Variants in RHBDL3 observed in about 807,000 individuals in gnomAD.
RHBDL3 encodes the protein rhomboid-related protein 3.
Under a neutral mutation model 48.2 loss-of-function variants are expected in RHBDL3, and 28 were observed. That is an observed-to-expected ratio of 0.58 (90% confidence interval 0.43 to 0.80). The LOEUF (loss-of-function observed/expected upper bound fraction) is 0.80, where lower values mean the gene tolerates loss of function less well. RHBDL3 is among the 30% of genes least tolerant of loss of function. RHBDL3 has a pLI of 0.00. For missense variants in RHBDL3, 464 were observed against 542.7 expected (o/e 0.85, Z 1.44); for synonymous variants, 208 against 232.3 (o/e 0.90, Z 0.95).
chr17:32,271,929 C>T lies in RHBDL3; in HGVS notation c.135+4004C>T, dbSNP rs148703625. On this transcript the variant is annotated intron_variant, in intron 2 of 8. Coordinates refer to ENST00000269051, the MANE Select transcript of RHBDL3 (RefSeq NM_138328.3). ...CGATGAACAGAAGGCGTGGATCCGCCGCTTCGGTGGGTTGCTGGGGTCAGA... is the reference window on the plus strand; with the variant it reads ...CGATGAACAGAAGGCGTGGATCCGCTGCTTCGGTGGGTTGCTGGGGTCAGA... Among the ~76,000 whole-genome samples, 91 of 152,294 alleles carry T rather than the reference C, an allele frequency of 6.0e-4. 2 individuals are homozygous for T. In the South Asian group the frequency reaches 7.9e-3, roughly 13 times the overall value.
intron 2 of RHBDL3, among the ~76,000 whole-genome samples, chr17:32,283,317 C>CTTTTTT (rs1156849774): frequency 7.5e-5 from 7 of 92,934 alleles, no homozygotes; most frequent in Non-Finnish European, 1.3e-4. Context: ...GCCTTTTCTT[C>CTTTTTT]TTTTTTTTTT....
At chr17:32,316,374 C>A in intron 8 of RHBDL3, 82 bp downstream of exon 8, 2 of 1,069,156 alleles carry the variant, frequency 1.9e-6, no homozygotes, top group Non-Finnish European at 2.9e-6. Context: ...CTGCCCTTCA[C>A]GGGCTTATGG....
chr17:32,266,182 T>A lies in RHBDL3; in HGVS notation c.-8T>A. On this transcript the variant is annotated 5_prime_UTR_variant, in exon 1 of 9. Transcript: ENST00000269051. ...CAGCCGCCGCCGCCCCCGGACCCCG[T>A]CTCGGCCATGGGCGAGCACCCCAGC... 1 of 1,187,722 alleles carries A rather than the reference T, an allele frequency of 8.4e-7. No individual in the cohort carries two copies. Among genetic ancestry groups the A allele is most frequent in the Non-Finnish European group, 1.0e-6 (1 of 953,120 alleles). 73.6% of individuals were successfully genotyped at this position (1,187,722 alleles called of 1,614,324 possible). A position where few individuals can be genotyped will look rare whatever the true frequency, so the allele number is the denominator to read the frequency against.
chr17:32,316,259 A>G lies in RHBDL3; in HGVS notation c.910A>G (p.Lys304Glu). 6.2e-7 allele frequency: 1 copy of G among 1,613,988 alleles called. No homozygotes were observed. Among genetic ancestry groups the G allele is most frequent in the Middle Eastern group, 1.6e-4 (1 of 6,062 alleles). The change falls in exon 8 of 9, where the codon AAG (lysine) becomes GAG (glutamate). Residue 304 changes from lysine to glutamate, a missense_variant. Coordinates refer to ENST00000269051, the MANE Select transcript of RHBDL3 (RefSeq NM_138328.3). ...MNWSGMKCQF[K>E]LLRMAVALIC... is the part of the protein sequence containing the mutation. ...CTGGTCAGGCATGAAGTGCCAGTTC[A>G]AGCTGCTGCGGATGGCTGTGGCCCT...
chr17:32,319,785 G>A (rs370128476), intron 8 of RHBDL3, among the ~76,000 whole-genome samples: 2 of 152,166 alleles, frequency 1.3e-5, no homozygotes, highest in South Asian at 2.1e-4. Context: ...TCCCCTCAAA[G>A]GGCTTTATTT....
intron 2 of RHBDL3, among the ~76,000 whole-genome samples, chr17:32,283,420 C>G (rs995809277): frequency 2.8e-5 from 4 of 144,258 alleles, no homozygotes; most frequent in African/African-American, 1.0e-4. Flanking sequence ...CTCCCAGGTT[C>G]ACGCCATACT....
At position 32,288,911 on chromosome 17, in the gene RHBDL3, T is replaced by G. The variant is rs376306646; in HGVS notation, c.414T>G (p.His138Gln). 6.2e-7 allele frequency: 1 copy of G among 1,614,244 alleles called. No individual in the cohort carries two copies. ...GLSLSQRLIRHVAYETLPREI... is the reference protein window; with the variant it reads ...GLSLSQRLIRQVAYETLPREI... The stretch of plus-strand genomic sequence containing the variant: ...GCCTCTCGCAGCGACTTATCCGCCA[T>G]GTGGCCTATGAGACCCTGCCCCGGG... Residue 138 changes from histidine (H) to glutamine (Q), a missense_variant, in exon 4 of 9, where the codon CAT (histidine) becomes CAG (glutamine). Physicochemically the swap from His to Gln is conservative, Grantham distance 24. Coordinates refer to ENST00000269051, the MANE Select transcript of RHBDL3 (RefSeq NM_138328.3).
intron 4 of RHBDL3, among the ~76,000 whole-genome samples, chr17:32,293,313 G>C (rs1042683556): frequency 6.6e-5 from 10 of 152,180 alleles, no homozygotes; most frequent in African/African-American, 2.4e-4. Context: ...CGGGCGCAGT[G>C]GCTCATGCCT....
rs543477345 is a variant in RHBDL3, at chr17:32,277,590, G to A, written c.136-7069G>A. On this transcript the variant is annotated intron_variant, in intron 2 of 8. Coordinates refer to ENST00000269051, the MANE Select transcript of RHBDL3 (RefSeq NM_138328.3). ...GCCTGGTGTCCCCAGTCAACCCTCAGGCTGGGCCTGGAGCCCACAGACTTC... is the reference window on the plus strand; with the variant it reads ...GCCTGGTGTCCCCAGTCAACCCTCAAGCTGGGCCTGGAGCCCACAGACTTC... Among the ~76,000 whole-genome samples, 22 of 152,358 alleles carry A rather than the reference G, an allele frequency of 1.4e-4. No individual in the cohort carries two copies. The South Asian group carries it at 4.6e-3, about 32-fold the overall frequency.
intron 6 of RHBDL3, among the ~76,000 whole-genome samples, chr17:32,301,217 A>T (rs1191012513): frequency 1.3e-5 from 2 of 151,964 alleles, no homozygotes; most frequent in Non-Finnish European, 1.5e-5. Context: ...CTTGAGGCCA[A>T]TGTGAAAATC....
chr17:32,293,070 C>T (rs1050982603), intron 4 of RHBDL3, among the ~76,000 whole-genome samples: 1 of 146,378 alleles, frequency 6.8e-6, no homozygotes, highest in Admixed American at 7.2e-5. Flanking sequence ...ATAAGCCAGA[C>T]ACAAAAAGAC....
intron 5 of RHBDL3, among the ~76,000 whole-genome samples, chr17:32,297,037 G>C (rs2040467461): frequency 6.6e-6 from 1 of 151,534 alleles, no homozygotes; most frequent in Non-Finnish European, 1.5e-5. Flanking sequence ...TTTTAGTAAA[G>C]ACGGGGTTTC....
chr17:32,297,999 C>G, intron 5 of RHBDL3, 93 bp from the exon 6 acceptor site: 1 of 896,690 alleles, frequency 1.1e-6, no homozygotes, highest in Non-Finnish European at 1.8e-6. Context: ...TTGCTGGATC[C>G]CTGGCATCTT....
chr17:32,284,878 C>T (rs1368999783), intron 3 of RHBDL3, 61 bp downstream of exon 3: 2 of 1,424,262 alleles, frequency 1.4e-6, no homozygotes, highest in African/African-American at 1.4e-5. Context: ...GGCTTCCACA[C>T]ATTTAAAGGA....
At chr17:32,311,103 C>T (rs529909500) in intron 7 of RHBDL3, among the ~76,000 whole-genome samples, 11 of 152,288 alleles carry the variant, frequency 7.2e-5, no homozygotes, top group East Asian at 3.9e-4. Context: ...ACTCTTAACC[C>T]GTTTGGGTGA....
At position 32,323,675 on chromosome 17, in the gene RHBDL3, G is replaced by A. The variant is rs2041194632; in HGVS notation, c.*2446G>A. On this transcript the variant is annotated 3_prime_UTR_variant, in exon 9 of 9. Transcript: ENST00000269051. ...TCCCAGGGAAGCTTGTTACTGAGAAGGACAGTGGAGGCGGAATCGTGTCTC... is the reference window on the plus strand; with the variant it reads ...TCCCAGGGAAGCTTGTTACTGAGAAAGACAGTGGAGGCGGAATCGTGTCTC... The A allele has an allele frequency of 6.6e-6, 1 of 152,214 alleles. No homozygotes were observed. The highest frequency in any genetic ancestry group is 2.4e-5 in the African/African-American group (1 of 41,394). 9.4% of individuals were successfully genotyped at this position (152,214 alleles called of 1,614,324 possible). A position where few individuals can be genotyped will look rare whatever the true frequency, so the allele number is the denominator to read the frequency against.
chr17:32,272,596 T>A (rs867401503), intron 2 of RHBDL3, among the ~76,000 whole-genome samples: 3 of 152,162 alleles, frequency 2.0e-5, no homozygotes, highest in African/African-American at 7.2e-5. Flanking sequence ...CTAGGACCCT[T>A]GAGGCTGTGG....
intron 5 of RHBDL3, among the ~76,000 whole-genome samples, chr17:32,296,423 C>G (rs1175968139): frequency 2.0e-5 from 3 of 147,420 alleles, no homozygotes; most frequent in African/African-American, 7.5e-5. Flanking sequence ...GCAGCCACCA[C>G]CTCCTGGGTT....
intron 2 of RHBDL3, among the ~76,000 whole-genome samples, chr17:32,269,494 TG>T (rs2039718193): frequency 6.6e-6 from 1 of 152,218 alleles, no homozygotes; most frequent in Non-Finnish European, 1.5e-5. Flanking sequence ...GCGAAAGGCC[TG>T]GGGTGAGGAT....
Sources: allele counts gnomAD v4.1 joint callset (sites outside exome capture counted in the v4.1 genomes callset), GRCh38; gene constraint gnomAD v4.1.1; transcripts MANE v1.5; gene names NCBI Gene and HGNC (gene_info 2026-07-23, HGNC 2026-07-21).